The following PTPRD variants were observed in gnomAD, a reference collection of about 807,000 sequenced individuals.
PTPRD encodes the protein protein tyrosine phosphatase receptor type D, also known as receptor-type tyrosine-protein phosphatase delta.
In PTPRD, 34 loss-of-function variants were observed where a neutral mutation model predicts 214.5. That is an observed-to-expected ratio of 0.16 (90% CI 0.12 to 0.21). The LOEUF is 0.21. Ranked by LOEUF, PTPRD falls within the 10% of genes least tolerant of loss-of-function variation. The probability of loss-of-function intolerance (pLI) is 1.00; values close to 1 mark genes in which losing one functional copy is unlikely to be tolerated. For synonymous variants in PTPRD, 1,128 were observed against 845.7 expected, an observed-to-expected ratio of 1.33 and a Z score of -5.79; for missense variants, 2,545 against 2,398.7, an observed-to-expected ratio of 1.06 and a Z score of -1.27.
chr9:8,434,415 T>C (rs1187058220), intron 35 of PTPRD, among the ~76,000 whole-genome samples: 1 of 152,236 alleles, frequency 6.6e-6, no homozygotes, highest in Non-Finnish European at 1.5e-5. Flanking sequence ...AAGTGTATAA[T>C]AGACTATACT....
chr9:8,977,368 C>A (rs1040761526), intron 11 of PTPRD, among the ~76,000 whole-genome samples: 1 of 152,082 alleles, frequency 6.6e-6, no homozygotes, highest in African/African-American at 2.4e-5. Flanking sequence ...CTGGGATATT[C>A]TCCCCTCTAT....
chr9:8,747,851 G>C (rs2093009839), intron 11 of PTPRD, among the ~76,000 whole-genome samples: 1 of 152,072 alleles, frequency 6.6e-6, no homozygotes, highest in Non-Finnish European at 1.5e-5. Flanking sequence ...AGATAGTCAG[G>C]GCCTGTAAAG....
chr9:9,239,191 ACTGT>A (rs1308895222), intron 9 of PTPRD, among the ~76,000 whole-genome samples: 2 of 146,908 alleles, frequency 1.4e-5, no homozygotes, highest in African/African-American at 5.0e-5. Flanking sequence ...CAGGGAGATG[ACTGT>A]CTGAAAAAAA....
intron 11 of PTPRD, among the ~76,000 whole-genome samples, chr9:8,945,061 T>G (rs2154297860): frequency 6.6e-6 from 1 of 152,176 alleles, no homozygotes; most frequent in Admixed American, 6.6e-5. Context: ...TTTAAAAATT[T>G]TTTAAAAAGA....
chr9:9,861,322 G>GA (rs2062722201), intron 5 of PTPRD, among the ~76,000 whole-genome samples: 6 of 151,964 alleles, frequency 3.9e-5, no homozygotes, highest in Admixed American at 1.3e-4. Context: ...ACAGAGTCTT[G>GA]CTCTGTCTCC....
At chr9:9,535,480 G>A (rs1196244926) in intron 8 of PTPRD, among the ~76,000 whole-genome samples, 1 of 152,086 alleles carries the variant, frequency 6.6e-6, no homozygotes, top group South Asian at 2.1e-4. Flanking sequence ...AGTGACTTAA[G>A]CTCAGAACAG....
At chr9:9,654,153 T>C (rs1175019498) in intron 7 of PTPRD, among the ~76,000 whole-genome samples, 1 of 152,130 alleles carries the variant, frequency 6.6e-6, no homozygotes, top group Non-Finnish European at 1.5e-5. Context: ...ATTATAATGT[T>C]TCTTTGCCGT....
In PTPRD at chr9:9,732,510, T is replaced by C. The variant is rs75360869; in HGVS notation, c.-287+2023A>G. The stretch of plus-strand genomic sequence containing the variant: ...TCATACTGACAATTTAAATGAAAAA[T>C]GATGGAATTTAGGCAAAAGGACAAT... On this transcript the variant is annotated intron_variant, in intron 7 of 45. Transcript: ENST00000381196. Among the ~76,000 whole-genome samples, 1,416 of 152,086 alleles carry C rather than the reference T, an allele frequency of 9.3e-3. 20 individuals are homozygous for C. The highest frequency in any genetic ancestry group is 0.031 in the African/African-American group (1,296 of 41,488).
chr9:10,014,636 A>T (rs528060792), intron 4 of PTPRD, among the ~76,000 whole-genome samples: 2 of 152,206 alleles, frequency 1.3e-5, no homozygotes, highest in East Asian at 3.9e-4. Context: ...CATAAATGAC[A>T]AGAGGAAGCT....
intron 39 of PTPRD, among the ~76,000 whole-genome samples, chr9:8,371,232 A>AT (rs1160254019): frequency 6.6e-6 from 1 of 152,106 alleles, no homozygotes; most frequent in Admixed American, 6.6e-5. Context: ...AAGGGAAAAA[A>AT]ATATAGTCTC....
At chr9:9,500,454 A>G (rs915901638) in intron 8 of PTPRD, among the ~76,000 whole-genome samples, 1 of 152,142 alleles carries the variant, frequency 6.6e-6, no homozygotes, top group African/African-American at 2.4e-5. Flanking sequence ...AGAACACAGC[A>G]GTGCCACTGA....
intron 3 of PTPRD, among the ~76,000 whole-genome samples, chr9:10,236,063 C>T (rs10738155): frequency 0.46 from 70,109 of 151,598 alleles, 17,528 homozygotes; most frequent in East Asian, 0.58. Context: ...TTGAAAATGA[C>T]CTTAAAGTCA....
intron 9 of PTPRD, among the ~76,000 whole-genome samples, chr9:9,331,439 C>A (rs116938285): frequency 6.6e-6 from 1 of 151,944 alleles, no homozygotes; most frequent in African/African-American, 2.4e-5. Flanking sequence ...GGATTATCTG[C>A]GCATCTAATC....
intron 7 of PTPRD, among the ~76,000 whole-genome samples, chr9:9,731,506 A>G (rs550096159): frequency 1.2e-3 from 178 of 152,180 alleles, no homozygotes; most frequent in Non-Finnish European, 1.8e-3. Flanking sequence ...CATGTGCACA[A>G]TGTGCAGGTT....
At chr9:8,696,533 GGAGA>G (rs1457769384) in intron 12 of PTPRD, among the ~76,000 whole-genome samples, 3 of 152,164 alleles carry the variant, frequency 2.0e-5, no homozygotes, top group Non-Finnish European at 4.4e-5. Flanking sequence ...AGGAAGTAGA[GGAGA>G]GAGGTCCATT....
At chr9:8,538,063 G>C (rs1017370781) in intron 14 of PTPRD, among the ~76,000 whole-genome samples, 21 of 151,894 alleles carry the variant, frequency 1.4e-4, no homozygotes, top group Middle Eastern at 6.8e-3. Context: ...TAAATACTTA[G>C]GCATCAGGGA....
chr9:10,564,168 A>ATTTTTTTTTTTTTTTTTTTTTTTTTTT (rs1591017043), intron 2 of PTPRD, among the ~76,000 whole-genome samples: 1 of 11,878 alleles, frequency 8.4e-5, no homozygotes, highest in African/African-American at 2.7e-4. Context: ...ACACTAGGCT[A>ATTTTTTTTTTTTTTTTTTTTTTTTTTT]TTCTTTTTTT....
At chr9:8,565,756 T>C (rs901462702) in intron 14 of PTPRD, among the ~76,000 whole-genome samples, 1 of 152,220 alleles carries the variant, frequency 6.6e-6, no homozygotes, top group African/African-American at 2.4e-5. Flanking sequence ...TTCTGGCTAA[T>C]TGTTCTGCAT....
At chr9:8,830,382 T>G (rs970167692) in intron 11 of PTPRD, among the ~76,000 whole-genome samples, 3 of 151,992 alleles carry the variant, frequency 2.0e-5, no homozygotes, top group Non-Finnish European at 2.9e-5. Context: ...TGAGATAAAT[T>G]TTATAGAAAT....
Sources: gnomAD v4.1 joint callset for allele counts (sites outside exome capture counted in the v4.1 genomes callset) on GRCh38, gnomAD v4.1.1 for gene constraint, MANE v1.5 for transcripts, NCBI Gene and HGNC (gene_info 2026-07-23, HGNC 2026-07-21) for gene names.